MGAT4C: variants seen among roughly 807,000 people sequenced by gnomAD.
MGAT4C encodes alpha-1,3-mannosyl-glycoprotein 4-beta-N-acetylglucosaminyltransferase C.
In MGAT4C, 19 loss-of-function variants were observed where a neutral mutation model predicts 40.1. The observed-to-expected ratio is 0.47, with a 90% CI of 0.33 to 0.70. The LOEUF (loss-of-function observed/expected upper bound fraction) is 0.70, where lower values mean the gene tolerates loss of function less well. MGAT4C is among the 30% of genes least tolerant of loss of function. The probability of loss-of-function intolerance (pLI) is 0.02; values close to 1 mark genes in which losing one functional copy is unlikely to be tolerated. For missense variants in MGAT4C, 491 were observed against 563.2 expected, an observed-to-expected ratio of 0.87 and a Z score of 1.30; for synonymous variants, 181 against 187.1, an observed-to-expected ratio of 0.97 and a Z score of 0.27.
intron 2 of MGAT4C, among the ~76,000 whole-genome samples, chr12:86,669,765 GCCCATT>G (rs1964206946): frequency 6.6e-6 from 1 of 152,202 alleles, no homozygotes; most frequent in African/African-American, 2.4e-5. Flanking sequence ...CCACAGAATA[GCCCATT>G]GCCTAGGCAG....
In MGAT4C at chr12:86,496,881, A is replaced by G. The variant is rs183113665; in HGVS notation, c.-228-61616T>C. 2.5e-3 allele frequency among the ~76,000 whole-genome samples: 378 copies of G among 152,118 alleles called. 2 individuals are homozygous for G. The highest frequency in any genetic ancestry group is 3.6e-3 in the Non-Finnish European group (243 of 67,946). On this transcript the variant is annotated intron_variant, in intron 2 of 7. Transcript: ENST00000548651. Reference sequence around the variant, plus strand: ...GTAGTTCATACTAGAAAATGTACCTACTACCTATATGGGTCTCCCATAAAA... The same window carrying G: ...GTAGTTCATACTAGAAAATGTACCTGCTACCTATATGGGTCTCCCATAAAA...
chr12:86,253,863 A>C (rs765151207), intron 1 of MGAT4C, among the ~76,000 whole-genome samples: 2 of 152,006 alleles, frequency 1.3e-5, no homozygotes, highest in African/African-American at 2.4e-5. Context: ...CAATAAACTA[A>C]ATTCTAGGAA....
chr12:86,459,821 CT>C (rs1957570141), intron 2 of MGAT4C, among the ~76,000 whole-genome samples: 1 of 150,916 alleles, frequency 6.6e-6, no homozygotes, highest in Non-Finnish European at 1.5e-5. Flanking sequence ...TTCTTGTCCT[CT>C]TTGCTCTACT....
At chr12:86,027,122 A>C (rs1049992459) in intron 2 of MGAT4C, among the ~76,000 whole-genome samples, 3 of 151,900 alleles carry the variant, frequency 2.0e-5, no homozygotes, top group African/African-American at 7.2e-5. Context: ...ATTTTTCACT[A>C]TCACAGTGTA....
At chr12:86,379,279 G>A (rs1955886076) in intron 3 of MGAT4C, among the ~76,000 whole-genome samples, 1 of 151,986 alleles carries the variant, frequency 6.6e-6, no homozygotes, top group Non-Finnish European at 1.5e-5. Flanking sequence ...TATAGTCATA[G>A]TTGTCCTCTC....
In MGAT4C at chr12:86,103,446, G is replaced by C. The variant is rs534153885; in HGVS notation, c.-56-53723C>G. On this transcript the variant is annotated intron_variant, in intron 1 of 4. Coordinates refer to ENST00000611864, the MANE Select transcript of MGAT4C (RefSeq NM_001351288.2). Reference sequence around the variant, plus strand: ...AATGTGACTACAGAGCCAGAGACTAGGGTGCAACAAGTCAAGAAATGCCAA... The same window carrying C: ...AATGTGACTACAGAGCCAGAGACTACGGTGCAACAAGTCAAGAAATGCCAA... 7.2e-5 allele frequency among the ~76,000 whole-genome samples: 11 copies of C among 152,198 alleles called. No individual in the cohort carries two copies. The South Asian group carries it at 2.1e-3, about 29-fold the overall frequency.
At chr12:86,726,815 C>T (rs112520551) in intron 2 of MGAT4C, among the ~76,000 whole-genome samples, 1 of 151,992 alleles carries the variant, frequency 6.6e-6, no homozygotes, top group Non-Finnish European at 1.5e-5. Context: ...AATTTGAAAA[C>T]GTAGAGATGT....
intron 2 of MGAT4C, among the ~76,000 whole-genome samples, chr12:86,705,658 A>T (rs1950443918): frequency 6.6e-6 from 1 of 152,204 alleles, no homozygotes; most frequent in Non-Finnish European, 1.5e-5. Flanking sequence ...TAATAAATGA[A>T]ATATAAACAA....
intron 1 of MGAT4C, among the ~76,000 whole-genome samples, chr12:86,069,645 C>G (rs73175627): frequency 6.6e-6 from 1 of 152,262 alleles, no homozygotes; most frequent in Non-Finnish European, 1.5e-5. Context: ...TTAACTCCAT[C>G]TTTAAATCCA....
At chr12:86,636,440 T>A (rs1963221875) in intron 2 of MGAT4C, among the ~76,000 whole-genome samples, 1 of 152,010 alleles carries the variant, frequency 6.6e-6, no homozygotes, top group Non-Finnish European at 1.5e-5. Flanking sequence ...GATCTACCTA[T>A]ATGTTAGTAT....
intron 1 of MGAT4C, among the ~76,000 whole-genome samples, chr12:86,241,414 G>A (rs1339247505): frequency 6.6e-6 from 1 of 152,092 alleles, no homozygotes; most frequent in African/African-American, 2.4e-5. Flanking sequence ...GAATTCTAAT[G>A]TAAAAAAGGA....
intron 1 of MGAT4C, among the ~76,000 whole-genome samples, chr12:86,777,234 T>C (rs1951762368): frequency 6.6e-6 from 1 of 152,218 alleles, no homozygotes; most frequent in Admixed American, 6.5e-5. Flanking sequence ...CATTGTGGAA[T>C]GGCTATTAAA....
intron 4 of MGAT4C, among the ~76,000 whole-genome samples, chr12:86,276,461 G>C (rs914559290): frequency 2.6e-5 from 4 of 152,058 alleles, no homozygotes; most frequent in Admixed American, 2.0e-4. Flanking sequence ...TATACAATTA[G>C]ATGGTTATTG....
At chr12:86,419,887 G>A (rs935724157) in intron 3 of MGAT4C, among the ~76,000 whole-genome samples, 3 of 152,132 alleles carry the variant, frequency 2.0e-5, no homozygotes, top group African/African-American at 7.2e-5. Context: ...AAATTACTTT[G>A]TATGTTATGT....
At chr12:86,568,707 A>G (rs1960235845) in intron 2 of MGAT4C, among the ~76,000 whole-genome samples, 1 of 152,032 alleles carries the variant, frequency 6.6e-6, no homozygotes, top group African/African-American at 2.4e-5. Flanking sequence ...CCAAAACAGC[A>G]TGGTATTGGT....
intron 2 of MGAT4C, among the ~76,000 whole-genome samples, chr12:86,706,718 G>A (rs557766936): frequency 1.3e-5 from 2 of 152,196 alleles, no homozygotes; most frequent in South Asian, 2.1e-4. Flanking sequence ...AATGGCACAA[G>A]GGAAAAACAA....
At position 86,160,478 on chromosome 12, in the gene MGAT4C, T is replaced by A. The variant is rs58369258; in HGVS notation, c.-57+95761A>T. Among the ~76,000 whole-genome samples, 3,471 of 152,190 alleles carry A rather than the reference T, an allele frequency of 0.023. 289 individuals carry two copies. In the East Asian group the frequency reaches 0.29, roughly 13 times the overall value. On this transcript the variant is annotated intron_variant, in intron 1 of 4. Transcript: ENST00000611864. ...CAATTTGCTTTGAATGTATTGATGC[T>A]TGCTTTATGAGCGAGCATGTGATCA...
At chr12:86,629,779 T>C (rs1962966600) in intron 2 of MGAT4C, among the ~76,000 whole-genome samples, 1 of 152,084 alleles carries the variant, frequency 6.6e-6, no homozygotes, top group Non-Finnish European at 1.5e-5. Context: ...TTTACAACAC[T>C]AAATGCCCAC....
intron 2 of MGAT4C, among the ~76,000 whole-genome samples, chr12:86,722,336 C>G (rs767246059): frequency 9.2e-5 from 14 of 152,178 alleles, no homozygotes; most frequent in Non-Finnish European, 1.9e-4. Flanking sequence ...AGTGTCCTTA[C>G]AGCAGTTAAA....
Sources: gnomAD v4.1 joint callset for allele counts (sites outside exome capture counted in the v4.1 genomes callset) on GRCh38, gnomAD v4.1.1 for gene constraint, MANE v1.5 for transcripts, NCBI Gene and HGNC (gene_info 2026-07-23, HGNC 2026-07-21) for gene names.